Variants in PDE6A observed in about 807,000 individuals in gnomAD.
PDE6A encodes the protein rod cGMP-specific 3',5'-cyclic phosphodiesterase subunit alpha.
In PDE6A, 84 loss-of-function variants were observed where a neutral mutation model predicts 106.3. That is an observed-to-expected ratio of 0.79 (90% CI 0.66 to 0.95). The LOEUF (loss-of-function observed/expected upper bound fraction) is 0.95. Among genes scored for constraint, PDE6A ranks in the 40% least tolerant of loss-of-function variants. The pLI, the probability that PDE6A is intolerant of heterozygous loss-of-function variation, is 0.00. For missense variants in PDE6A, 1,052 were observed against 1,084.9 expected (o/e 0.97, Z 0.43); for synonymous variants, 394 against 386.6 (o/e 1.02, Z -0.23).
chr5:149,874,897 C>A (rs1056927986), intron 17 of PDE6A, among the ~76,000 whole-genome samples: 1 of 152,174 alleles, frequency 6.6e-6, no homozygotes, highest in African/African-American at 2.4e-5. Context: ...ATTCCACATA[C>A]TCCAGCTCAG....
At chr5:149,898,655 A>G (rs974136901) in intron 9 of PDE6A, 149 bp from the exon 10 acceptor site, 6 of 733,536 alleles carry the variant, frequency 8.2e-6, no homozygotes, top group African/African-American at 1.8e-5. Context: ...CGGAGTTCTT[A>G]TAAGGCTAAG....
In PDE6A at chr5:149,860,966, C is replaced by T. The variant is rs778365507; in HGVS notation, c.2512G>A (p.Ala838Thr). The T allele has an allele frequency of 4.5e-5, 72 of 1,613,824 alleles. No individual in the cohort carries two copies. Among genetic ancestry groups the T allele is most frequent in the Non-Finnish European group, 5.7e-5 (67 of 1,179,876 alleles). Residue 838 changes from alanine to threonine, a missense_variant, in exon 22 of 22, where the codon GCA becomes ACA. This residue lies in a region of PDE6A where 135 missense variants were observed against 153.2 expected (regional missense o/e 0.88). Coordinates refer to ENST00000255266, the MANE Select transcript of PDE6A (RefSeq NM_000440.3). ...GGGTTTCCCCCCGGCTGATTTCCTG[C>T]GGCTGCTGCAATGAAACAGGAAAAA... The part of the protein sequence containing the change: ...QKQQSAKSAA[A>T]GNQPGGNPSP...
chr5:149,883,539 A>G lies in PDE6A; in HGVS notation c.2028-3T>C. 1 of 1,597,876 alleles carries G rather than the reference A, an allele frequency of 6.3e-7. No individual in the cohort carries two copies. Among genetic ancestry groups the G allele is most frequent in the Non-Finnish European group, 8.6e-7 (1 of 1,165,522 alleles). ...TCTTTTGGAACATCGTCCTCTTCCT[A>G]CAAAACATATCAGTCTAGTAAAGGG... is the stretch of plus-strand genomic sequence containing the variant. On this transcript the variant is annotated splice_polypyrimidine_tract_variant and splice_region_variant and intron_variant, in intron 16 of 21. Coordinates refer to ENST00000255266, the MANE Select transcript of PDE6A (RefSeq NM_000440.3).
intron 13 of PDE6A, among the ~76,000 whole-genome samples, 188 bp downstream of exon 13, chr5:149,894,995 A>C (rs1752681615): frequency 6.6e-6 from 1 of 151,942 alleles, no homozygotes; most frequent in Non-Finnish European, 1.5e-5. Flanking sequence ...GCTTTCTTTC[A>C]CTTTTTATTT....
chr5:149,916,420 T>G (rs180718962), intron 5 of PDE6A, among the ~76,000 whole-genome samples: 27 of 152,306 alleles, frequency 1.8e-4, no homozygotes, highest in Non-Finnish European at 3.8e-4. Flanking sequence ...TGCATCTCTA[T>G]GTCATGGCCC....
Position 149,921,712 on chromosome 5 carries a change from A to C in PDE6A, c.859-3T>G, listed in dbSNP as rs573540501. 1.2e-6 allele frequency: 2 copies of C among 1,612,198 alleles called. No homozygotes were observed. Among genetic ancestry groups the C allele is most frequent in the East Asian group, 2.2e-5 (1 of 44,874 alleles). ...ACCGGCCACACATCAAAAAATTCCTAGGAATGAGAAAAACAATAATTACAT... is the reference window on the plus strand; with the variant it reads ...ACCGGCCACACATCAAAAAATTCCTCGGAATGAGAAAAACAATAATTACAT... On this transcript the variant is annotated splice_region_variant and splice_polypyrimidine_tract_variant and intron_variant, in intron 4 of 21. Transcript: ENST00000255266.
intron 5 of PDE6A, among the ~76,000 whole-genome samples, chr5:149,918,332 C>G (rs1561766078): frequency 6.6e-6 from 1 of 152,086 alleles, no homozygotes; most frequent in Non-Finnish European, 1.5e-5. Context: ...GGAAAGGTGA[C>G]AAAATATTCA....
chr5:149,899,494 T>C lies in PDE6A; in HGVS notation c.1144A>G (p.Ile382Val). 4 of 1,614,198 alleles carry C rather than the reference T, an allele frequency of 2.5e-6. No individual in the cohort carries two copies. Among genetic ancestry groups the C allele is most frequent in the Non-Finnish European group, 2.5e-6 (3 of 1,180,012 alleles). Reference sequence around the variant, plus strand: ...ATCGGCATTGAAAGCACATTTTTAATCATCCATCCAGACTCATCCAGAGGT... The same window carrying C: ...ATCGGCATTGAAAGCACATTTTTAACCATCCATCCAGACTCATCCAGAGGT... ...KEPLDESGWMIKNVLSMPIVN... is the reference protein window; with the variant it reads ...KEPLDESGWMVKNVLSMPIVN... The change falls in exon 9 of 22, where the codon ATT becomes GTT. Residue 382 changes from isoleucine (I) to valine (V), a missense_variant. Transcript: ENST00000255266.
chr5:149,923,129 T>G (rs926751573), intron 4 of PDE6A, among the ~76,000 whole-genome samples: 1 of 152,220 alleles, frequency 6.6e-6, no homozygotes. Context: ...TCTTTGAACC[T>G]CTTCTGGTTT....
Position 149,920,269 on chromosome 5 carries a change from G to T in PDE6A, c.933+1366C>A, listed in dbSNP as rs990220157. 2.0e-5 allele frequency among the ~76,000 whole-genome samples: 3 copies of T among 152,086 alleles called. 1 individual carries two copies. Among genetic ancestry groups the T allele is most frequent in the African/African-American group, 4.8e-5 (2 of 41,396 alleles). ...TGATAAAAACAAAAATGAAAGCAGG[G>T]CACAGATGTACATAAAAGAGAGTGG... On this transcript the variant is annotated intron_variant, in intron 5 of 21. Coordinates refer to ENST00000255266, the MANE Select transcript of PDE6A (RefSeq NM_000440.3).
chr5:149,928,231 A>ATACATATTTTTTTTTTT, intron 4 of PDE6A, among the ~76,000 whole-genome samples: 1 of 19,754 alleles, frequency 5.1e-5, no homozygotes, highest in Non-Finnish European at 8.3e-5. Flanking sequence ...ATATATATAT[A>ATACATATTTTTTTTTTT]TTTTTTTTTT....
At chr5:149,931,911 A>G in intron 3 of PDE6A, 1 of 782,522 alleles carries the variant, frequency 1.3e-6, no homozygotes. Context: ...GTTGTGGACT[A>G]TAAAATGGCG....
At chr5:149,888,464 A>G (rs1490323079) in intron 13 of PDE6A, among the ~76,000 whole-genome samples, 1 of 148,320 alleles carries the variant, frequency 6.7e-6, no homozygotes, top group Admixed American at 6.7e-5. Context: ...TAGAATTCTT[A>G]ACACATAATT....
At chr5:149,939,168 C>G (rs952651008) in intron 1 of PDE6A, among the ~76,000 whole-genome samples, 1 of 152,184 alleles carries the variant, frequency 6.6e-6, no homozygotes, top group Non-Finnish European at 1.5e-5. Flanking sequence ...AGACAGACTT[C>G]ACCCACAGGC....
At chr5:149,935,265 AGT>A (rs60720493) in intron 1 of PDE6A, among the ~76,000 whole-genome samples, 73,137 of 149,672 alleles carry the variant, frequency 0.49, 19,217 homozygotes, top group Non-Finnish European at 0.61. Context: ...TGTGTGTGTG[AGT>A]GTGTGTGTGT....
chr5:149,931,279 C>T (rs1754027463), intron 3 of PDE6A, 111 bp from the exon 4 acceptor site: 3 of 976,374 alleles, frequency 3.1e-6, no homozygotes, highest in Non-Finnish European at 4.9e-6. Context: ...TTTCATTTAC[C>T]CTTCACAATA....
At chr5:149,862,511 C>T (rs974702854) in intron 21 of PDE6A, among the ~76,000 whole-genome samples, 2 of 152,208 alleles carry the variant, frequency 1.3e-5, no homozygotes, top group African/African-American at 4.8e-5. Flanking sequence ...GTAATCCCAA[C>T]ACTTTGAGAG....
intron 13 of PDE6A, among the ~76,000 whole-genome samples, chr5:149,891,460 A>T (rs2113572344): frequency 6.6e-6 from 1 of 152,218 alleles, no homozygotes; most frequent in East Asian, 1.9e-4. Context: ...ACAGAGCGAG[A>T]TTCCATTTCA....
In PDE6A at chr5:149,933,928, A is replaced by T; in HGVS notation, c.717+2T>A. 6.2e-7 allele frequency: 1 copy of T among 1,611,096 alleles called. No individual in the cohort carries two copies. The highest frequency in any genetic ancestry group is 8.5e-7 in the Non-Finnish European group (1 of 1,177,558). ...TCCATTCCCTTGGCCCAAGCCCCTT[A>T]CCTGGCCACGTCGAGTTTCACAGTT... On this transcript the variant is annotated splice_donor_variant, in intron 3 of 21. Coordinates refer to ENST00000255266, the MANE Select transcript of PDE6A (RefSeq NM_000440.3). LOFTEE classifies it high-confidence loss of function.
Sources: gnomAD v4.1 joint callset for allele counts (sites outside exome capture counted in the v4.1 genomes callset) on GRCh38, gnomAD v4.1.1 for gene constraint, gnomAD v4.1.1 regional missense constraint, MANE v1.5 for transcripts, NCBI Gene and HGNC (gene_info 2026-07-23, HGNC 2026-07-21) for gene names.